The following PDZRN4 variants were observed in gnomAD, a reference collection of about 807,000 sequenced individuals.
PDZRN4 encodes PDZ domain containing ring finger 4, also known as PDZ domain-containing RING finger protein 4.
A neutral mutation model predicts 99.0 loss-of-function variants in PDZRN4; 70 were observed. That is an observed-to-expected ratio of 0.71 (90% CI 0.58 to 0.86). PDZRN4 has a LOEUF of 0.86. Among genes scored for constraint, PDZRN4 ranks in the 40% least tolerant of loss-of-function variants. The pLI, the probability that PDZRN4 is intolerant of heterozygous loss-of-function variation, is 0.00. For missense variants in PDZRN4, 1,474 were observed against 1,331.2 expected, an observed-to-expected ratio of 1.11 and a Z score of -1.67; for synonymous variants, 551 against 501.6, an observed-to-expected ratio of 1.10 and a Z score of -1.32.
intron 5 of PDZRN4, among the ~76,000 whole-genome samples, chr12:41,546,513 C>G (rs1938955328): frequency 6.6e-6 from 1 of 152,198 alleles, no homozygotes; most frequent in African/African-American, 2.4e-5. Context: ...GTTGTGCCTA[C>G]ACATGCACAG....
At chr12:41,204,426 T>C (rs1335809845) in intron 3 of PDZRN4, among the ~76,000 whole-genome samples, 1 of 151,998 alleles carries the variant, frequency 6.6e-6, no homozygotes. Flanking sequence ...GAAAAGATCT[T>C]GCAGTAATAT....
In PDZRN4 at chr12:41,278,019, C is replaced by T. The variant is rs543020968; in HGVS notation, c.843+83831C>T. Among the ~76,000 whole-genome samples the T allele has an allele frequency of 8.1e-4, 124 of 152,336 alleles. 3 individuals are homozygous for T. Among genetic ancestry groups the T allele is most frequent in the Admixed American group, 7.1e-3 (108 of 15,310 alleles). On this transcript the variant is annotated intron_variant, in intron 3 of 9. Coordinates refer to ENST00000402685, the MANE Select transcript of PDZRN4 (RefSeq NM_001164595.2). ...ATCCAAAAGCCAATTATGCTAATGA[C>T]GCTCTTAGATGTAAAAGCTGTAGCT...
At chr12:41,414,196 C>T (rs762420452) in intron 3 of PDZRN4, among the ~76,000 whole-genome samples, 2 of 152,146 alleles carry the variant, frequency 1.3e-5, no homozygotes, top group Non-Finnish European at 2.9e-5. Context: ...CCTGACAGGG[C>T]TCCCTTTGCA....
At chr12:41,275,984 G>A (rs900496509) in intron 3 of PDZRN4, among the ~76,000 whole-genome samples, 1 of 152,098 alleles carries the variant, frequency 6.6e-6, no homozygotes, top group Non-Finnish European at 1.5e-5. Flanking sequence ...TACAGGCAGA[G>A]GAAACTCCAG....
At chr12:41,475,912 A>C (rs1032892066) in intron 3 of PDZRN4, among the ~76,000 whole-genome samples, 3 of 151,966 alleles carry the variant, frequency 2.0e-5, no homozygotes, top group African/African-American at 7.2e-5. Flanking sequence ...GGCACTTGCT[A>C]CTTGGTATTT....
chr12:41,472,065 C>T (rs1302407648), intron 3 of PDZRN4, among the ~76,000 whole-genome samples: 2 of 150,792 alleles, frequency 1.3e-5, no homozygotes, highest in African/African-American at 2.5e-5. Flanking sequence ...TGCAGTGGCA[C>T]GTCTCGGCTC....
chr12:41,297,317 A>G (rs1030247537), intron 3 of PDZRN4, among the ~76,000 whole-genome samples: 1 of 152,206 alleles, frequency 6.6e-6, no homozygotes, highest in African/African-American at 2.4e-5. Flanking sequence ...AGAGACAATA[A>G]CATTGGACTA....
At position 41,208,207 on chromosome 12, in the gene PDZRN4, G is replaced by A. The variant is rs557876409; in HGVS notation, c.843+14019G>A. ...TCATAATCTATTGGAAATATCTGACGTGACAAAATAGAAGTCTTTAAGTGT... is the reference window on the plus strand; with the variant it reads ...TCATAATCTATTGGAAATATCTGACATGACAAAATAGAAGTCTTTAAGTGT... On this transcript the variant is annotated intron_variant, in intron 3 of 9. Coordinates refer to ENST00000402685, the MANE Select transcript of PDZRN4 (RefSeq NM_001164595.2). 4.9e-4 allele frequency among the ~76,000 whole-genome samples: 75 copies of A among 151,938 alleles called. No homozygotes were observed. In the South Asian group the frequency reaches 0.014, roughly 28 times the overall value.
rs1433348383 is a variant in PDZRN4 at position 41,338,098 on chromosome 12, A to G, written c.843+143910A>G. On this transcript the variant is annotated intron_variant, in intron 3 of 9. Transcript: ENST00000402685. Reference sequence around the variant, plus strand: ...TTGTAGTTGCTTGCTAATATGGTCTAGATGACTATTTATAATTAGAAAATC... The same window carrying G: ...TTGTAGTTGCTTGCTAATATGGTCTGGATGACTATTTATAATTAGAAAATC... Among the ~76,000 whole-genome samples the G allele has an allele frequency of 3.3e-5, 5 of 152,118 alleles. No homozygotes were observed. The East Asian group carries it at 7.7e-4, about 24-fold the overall frequency.
chr12:41,419,435 C>T (rs1952472548), intron 3 of PDZRN4, among the ~76,000 whole-genome samples: 1 of 152,166 alleles, frequency 6.6e-6, no homozygotes, highest in African/African-American at 2.4e-5. Flanking sequence ...AGTAACTATA[C>T]ACTAGCCAAT....
intron 3 of PDZRN4, among the ~76,000 whole-genome samples, chr12:41,458,611 G>A (rs1280032672): frequency 6.6e-6 from 1 of 152,030 alleles, no homozygotes; most frequent in Non-Finnish European, 1.5e-5. Flanking sequence ...CCATTTTTTT[G>A]CCAGATGAAG....
chr12:41,291,795 C>T (rs1374548453), intron 3 of PDZRN4, among the ~76,000 whole-genome samples: 1 of 152,044 alleles, frequency 6.6e-6, no homozygotes, highest in Non-Finnish European at 1.5e-5. Flanking sequence ...GCAGGGTGGG[C>T]AAATCCTGCA....
intron 3 of PDZRN4, among the ~76,000 whole-genome samples, chr12:41,410,617 T>C (rs1207157751): frequency 5.3e-5 from 8 of 152,178 alleles, no homozygotes; most frequent in Admixed American, 5.2e-4. Flanking sequence ...GTATATTTTG[T>C]TGGGTACCCC....
At chr12:41,456,884 G>A (rs1275652585) in intron 3 of PDZRN4, among the ~76,000 whole-genome samples, 1 of 152,194 alleles carries the variant, frequency 6.6e-6, no homozygotes. Flanking sequence ...AGGGCTTAGA[G>A]TTATTACTTC....
chr12:41,556,360 T>C (rs1939162059), intron 7 of PDZRN4, among the ~76,000 whole-genome samples: 1 of 152,220 alleles, frequency 6.6e-6, no homozygotes, highest in African/African-American at 2.4e-5. Context: ...TTGGAGAGTG[T>C]ACTTACACAG....
At chr12:41,562,140 C>T (rs1307756969) in intron 7 of PDZRN4, among the ~76,000 whole-genome samples, 1 of 152,040 alleles carries the variant, frequency 6.6e-6, no homozygotes, top group East Asian at 1.9e-4. Context: ...CACTGAATTT[C>T]CTTTCTGTGT....
intron 5 of PDZRN4, among the ~76,000 whole-genome samples, chr12:41,548,305 G>A (rs576308556): frequency 6.6e-6 from 1 of 151,966 alleles, no homozygotes; most frequent in Admixed American, 6.6e-5. Context: ...TTAGCTGTGG[G>A]GATTAAAGTT....
At chr12:41,548,494 T>C (rs932995871) in intron 5 of PDZRN4, among the ~76,000 whole-genome samples, 1 of 152,194 alleles carries the variant, frequency 6.6e-6, no homozygotes, top group Admixed American at 6.5e-5. Flanking sequence ...AATAAAGATA[T>C]GGACATAAAA....
rs547198185 is a variant in PDZRN4, at chr12:41,196,788, G to A, written c.843+2600G>A. 2.0e-5 allele frequency among the ~76,000 whole-genome samples: 3 copies of A among 152,126 alleles called. No individual in the cohort carries two copies. The East Asian group carries it at 5.8e-4, about 29-fold the overall frequency. On this transcript the variant is annotated intron_variant, in intron 3 of 9. Coordinates refer to ENST00000402685, the MANE Select transcript of PDZRN4 (RefSeq NM_001164595.2). ...GAAGAAATCTATCAATTTAAAATGT[G>A]CAGATGCATATTTTAAAACAGATTT... is the stretch of plus-strand genomic sequence containing the variant.
Sources: gnomAD v4.1 joint callset for allele counts (sites outside exome capture counted in the v4.1 genomes callset) on GRCh38, gnomAD v4.1.1 for gene constraint, MANE v1.5 for transcripts, NCBI Gene and HGNC (gene_info 2026-07-23, HGNC 2026-07-21) for gene names.